DST: variants seen among roughly 807,000 people sequenced by gnomAD.
The protein encoded by DST is dystonin.
DST carries 253 observed loss-of-function variants against 875.2 expected under a neutral mutation model. The observed-to-expected ratio is 0.29, with a 90% CI of 0.26 to 0.32. The LOEUF (loss-of-function observed/expected upper bound fraction) is 0.32. Among genes scored for constraint, DST ranks in the 10% least tolerant of loss-of-function variants. DST has a pLI of 1.00. For synonymous variants in DST, 3,124 were observed against 3,197.1 expected (o/e 0.98, Z 0.77); for missense variants, 8,287 against 9,111.6 (o/e 0.91, Z 3.68).
chr6:56,653,610 A>C (rs1364286372), intron 10 of DST, among the ~76,000 whole-genome samples: 1 of 152,030 alleles, frequency 6.6e-6, no homozygotes, highest in Non-Finnish European at 1.5e-5. Context: ...ACTTGAACCC[A>C]GGAGGCAGAG....
chr6:56,877,903 AC>A (rs1248733129), intron 3 of DST, among the ~76,000 whole-genome samples: 9 of 152,226 alleles, frequency 5.9e-5, no homozygotes, highest in Non-Finnish European at 8.8e-5. Context: ...TGGAAGTACA[AC>A]TGGTCAACAG....
rs1044669669 is a variant in DST at position 56,692,384 on chromosome 6, T to C, written c.1047+7269A>G. The stretch of plus-strand genomic sequence containing the variant: ...CTTGAACTCAGACTCCACATTTCAC[T>C]TACCTCATTTCCATCTGTGTCCTTA... On this transcript the variant is annotated intron_variant, in intron 9 of 103. Coordinates refer to ENST00000680361, the MANE Select transcript of DST (RefSeq NM_001374736.1). 9.6e-6 allele frequency: 12 copies of C among 1,256,152 alleles called. No homozygotes were observed. In the African/African-American group the frequency reaches 1.7e-4, roughly 18 times the overall value. The allele number at this position is 1,256,152 out of a possible 1,614,324, so 77.8% of individuals were successfully genotyped here.
intron 5 of DST, among the ~76,000 whole-genome samples, chr6:56,731,530 T>C (rs1473034647): frequency 3.3e-5 from 5 of 152,234 alleles, no homozygotes. Flanking sequence ...GAGATTTTCT[T>C]TAAACAAGAT....
At chr6:56,938,108 C>CTATATATA (rs3031114) in intron 2 of DST, among the ~76,000 whole-genome samples, 32 of 120,740 alleles carry the variant, frequency 2.7e-4, no homozygotes, top group African/African-American at 1.0e-3. Flanking sequence ...CTCTCTCTCT[C>CTATATATA]TATATATATA....
intron 2 of DST, among the ~76,000 whole-genome samples, chr6:56,947,618 C>G (rs1016833669): frequency 6.6e-6 from 1 of 152,166 alleles, no homozygotes; most frequent in African/African-American, 2.4e-5. Flanking sequence ...TATGTCAAAG[C>G]CTTTTGTCAA....
chr6:56,850,725 G>A (rs1042169825), intron 4 of DST, among the ~76,000 whole-genome samples: 6 of 152,348 alleles, frequency 3.9e-5, no homozygotes, highest in African/African-American at 1.2e-4. Flanking sequence ...CTTTCAGCTG[G>A]GTAAAACAAG....
intron 4 of DST, among the ~76,000 whole-genome samples, chr6:56,833,538 C>T (rs556239295): frequency 1.3e-5 from 2 of 152,058 alleles, no homozygotes; most frequent in South Asian, 2.1e-4. Context: ...TAGAACAGTT[C>T]GACTAATTTT....
At chr6:56,570,057 A>C in intron 53 of DST, 45 bp from the exon 54 acceptor site, 1 of 1,339,150 alleles carries the variant, frequency 7.5e-7, no homozygotes, top group Middle Eastern at 2.3e-4. Flanking sequence ...CAGAAAGAAG[A>C]ATAAATAAAT....
intron 10 of DST, among the ~76,000 whole-genome samples, chr6:56,661,821 C>T (rs936292573): frequency 3.3e-5 from 5 of 152,110 alleles, no homozygotes; most frequent in African/African-American, 9.7e-5. Context: ...CTCCTGACCT[C>T]GGGTGATCCG....
intron 4 of DST, among the ~76,000 whole-genome samples, chr6:56,776,368 A>G (rs1274782921): frequency 6.6e-6 from 1 of 152,224 alleles, no homozygotes; most frequent in Non-Finnish European, 1.5e-5. Flanking sequence ...AGGCAAAAAA[A>G]CAAAAAGGAC....
At chr6:56,791,402 A>G (rs1564198035) in intron 4 of DST, among the ~76,000 whole-genome samples, 1 of 152,246 alleles carries the variant, frequency 6.6e-6, no homozygotes, top group African/African-American at 2.4e-5. Flanking sequence ...GCTGGGAACC[A>G]GGGATATAAA....
chr6:56,501,241 GA>G lies in DST; in HGVS notation c.19741-7del, dbSNP rs2152458367. ...AGAGCACCCTCCAGTTTATGCTACA[GA>G]AAAAGTGGAAAGAAAATCCATTTAT... On this transcript the variant is annotated splice_polypyrimidine_tract_variant and splice_region_variant and intron_variant, in intron 79 of 103. Transcript: ENST00000680361. 1.3e-6 allele frequency: 2 copies of G among 1,569,300 alleles called. No homozygotes were observed. Among genetic ancestry groups the G allele is most frequent in the South Asian group, 1.2e-5 (1 of 82,532 alleles).
At chr6:56,843,475 G>A (rs1451969490) in intron 4 of DST, 78 of 995,830 alleles carry the variant, frequency 7.8e-5, no homozygotes, top group Non-Finnish European at 9.0e-5. Context: ...GGAGGAGCGG[G>A]GCGTGCGGCG....
At chr6:56,530,523 T>C (rs1482992996) in intron 64 of DST, among the ~76,000 whole-genome samples, 1 of 152,170 alleles carries the variant, frequency 6.6e-6, no homozygotes, top group Non-Finnish European at 1.5e-5. Flanking sequence ...TTAATTTCAA[T>C]TGGAGCAACA....
intron 5 of DST, 33 bp from the exon 6 acceptor site, chr6:56,704,402 G>T: frequency 9.9e-7 from 1 of 1,011,804 alleles, no homozygotes; most frequent in Non-Finnish European, 1.5e-6. Flanking sequence ...TGGGGTCCTA[G>T]AACTCAGAAT....
At chr6:56,585,935 T>C (rs897427681) in intron 49 of DST, among the ~76,000 whole-genome samples, 1 of 152,210 alleles carries the variant, frequency 6.6e-6, no homozygotes, top group Non-Finnish European at 1.5e-5. Context: ...TGAGCTCTAG[T>C]TTGATTGCAC....
At chr6:56,851,631 T>C (rs1337207406) in intron 3 of DST, 27 bp from the exon 4 acceptor site, 1 of 1,608,078 alleles carries the variant, frequency 6.2e-7, no homozygotes, top group Admixed American at 1.7e-5. Context: ...AGAAAAAGCA[T>C]TAACAGCAAA....
rs374250324 is a variant in DST, at chr6:56,817,478, GA to G, written c.625+33918del. 3.4e-3 allele frequency among the ~76,000 whole-genome samples: 515 copies of G among 152,114 alleles called. 4 individuals are homozygous for G. Among genetic ancestry groups the G allele is most frequent in the African/African-American group, 0.012 (500 of 41,504 alleles). On this transcript the variant is annotated intron_variant, in intron 4 of 103. Coordinates refer to ENST00000680361, the MANE Select transcript of DST (RefSeq NM_001374736.1). ...AAAACTTTTGATGGGATACTGTGGG[GA>G]AAAAAAGTTTTCTTTTGTTTGTTTT...
rs1486142419 is a variant in DST, at chr6:56,634,179, A to C, written c.3574T>G (p.Tyr1192Asp). The C allele has an allele frequency of 6.2e-7, 1 of 1,613,464 alleles. No homozygotes were observed. Among genetic ancestry groups the C allele is most frequent in the Admixed American group, 1.7e-5 (1 of 60,004 alleles). Residue 1192 changes from tyrosine to aspartate, a missense_variant, in exon 27 of 104, where the codon TAT (tyrosine) becomes GAT (aspartate). Transcript: ENST00000680361. Reference protein sequence around the residue: ...INMKSVVSWHYLINEIDRIRA... With the variant: ...INMKSVVSWHDLINEIDRIRA... ...ATTCTATCAATTTCATTGATGAGAT[A>C]ATGCCAGGATACTACACTCTTCATG... is the stretch of plus-strand genomic sequence containing the variant.
Sources: allele counts gnomAD v4.1 joint callset (sites outside exome capture counted in the v4.1 genomes callset), GRCh38; gene constraint gnomAD v4.1.1; transcripts MANE v1.5; gene names NCBI Gene and HGNC (gene_info 2026-07-23, HGNC 2026-07-21).